The following MDN1 variants were observed in gnomAD, a reference collection of about 807,000 sequenced individuals.
The protein encoded by MDN1 is midasin.
MDN1 carries 266 observed loss-of-function variants against 669.2 expected under a neutral mutation model. That is an observed-to-expected ratio of 0.40 (90% CI 0.36 to 0.44). The LOEUF is 0.44. Among genes scored for constraint, MDN1 ranks in the 20% least tolerant of loss-of-function variants. MDN1 has a pLI of 1.00. For synonymous variants in MDN1, 2,385 were observed against 2,457.1 expected, an observed-to-expected ratio of 0.97 and a Z score of 0.87; for missense variants, 5,940 against 6,754.0, an observed-to-expected ratio of 0.88 and a Z score of 4.22.
intron 84 of MDN1, 36 bp from the exon 85 acceptor site, chr6:89,664,664 C>CA: frequency 6.5e-7 from 1 of 1,542,766 alleles, no homozygotes; most frequent in Non-Finnish European, 8.9e-7. Context: ...ATAAATGAAA[C>CA]TTTACCAATG....
chr6:89,685,731 C>A, intron 70 of MDN1, 96 bp downstream of exon 70: 1 of 1,314,914 alleles, frequency 7.6e-7, no homozygotes, highest in Non-Finnish European at 1.0e-6. Flanking sequence ...TGTTTAAAAC[C>A]TAGCGTGCAA....
Position 89,659,041 on chromosome 6 carries a change from G to A in MDN1, c.14714-124C>T, listed in dbSNP as rs113092973. ...TCTCTAAACCAGCGAGTGGCAAATT[G>A]TGACCCACAGGCCAAATCTGGCCTC... On this transcript the variant is annotated intron_variant, in intron 88 of 101. Transcript: ENST00000369393. 76 of 961,124 alleles carry A rather than the reference G, an allele frequency of 7.9e-5. 2 individuals are homozygous for A. The African/African-American group carries it at 9.7e-4, about 12-fold the overall frequency. The allele number at this position is 961,124 out of a possible 1,614,324, so 59.5% of individuals were successfully genotyped here.
chr6:89,814,108 C>T (rs574108421), intron 1 of MDN1, among the ~76,000 whole-genome samples: 2 of 151,810 alleles, frequency 1.3e-5, no homozygotes, highest in East Asian at 1.9e-4. Flanking sequence ...AATTCTAAGC[C>T]CCCCCAACCA....
At chr6:89,708,942 A>C (rs1241599238) in intron 50 of MDN1, among the ~76,000 whole-genome samples, 3 of 151,450 alleles carry the variant, frequency 2.0e-5, no homozygotes, top group African/African-American at 7.3e-5. Flanking sequence ...AGATCACACT[A>C]ATCCATGGGC....
At chr6:89,688,935 C>A (rs1812202120) in intron 65 of MDN1, 127 bp from the exon 66 acceptor site, 1 of 742,528 alleles carries the variant, frequency 1.3e-6, no homozygotes, top group African/African-American at 1.8e-5. Context: ...TTTGGGGAGC[C>A]GAGGCAGGCA....
chr6:89,667,183 CT>C (rs901530164), intron 84 of MDN1, among the ~76,000 whole-genome samples: 1 of 150,112 alleles, frequency 6.7e-6, no homozygotes, highest in Non-Finnish European at 1.5e-5. Flanking sequence ...TTGCTTTTGA[CT>C]TTTTTTTTCT....
intron 60 of MDN1, 120 bp from the exon 61 acceptor site, chr6:89,696,112 T>G (rs1812720001): frequency 1.5e-6 from 2 of 1,351,564 alleles, no homozygotes; most frequent in Non-Finnish European, 2.0e-6. Flanking sequence ...TATGTAGAGG[T>G]GAATTTCTGT....
intron 20 of MDN1, among the ~76,000 whole-genome samples, chr6:89,755,019 A>G (rs1817168511): frequency 6.6e-6 from 1 of 152,154 alleles, no homozygotes; most frequent in Admixed American, 6.5e-5. Flanking sequence ...AATATATACT[A>G]CTTGTACTAT....
chr6:89,791,344 T>G lies in MDN1; in HGVS notation c.856-943A>C, dbSNP rs374403994. Reference sequence around the variant, plus strand: ...GGGAAATATGGACACTGAGAGGATATCTTATGTTGTAATTTTTTTTTAGGT... The same window carrying G: ...GGGAAATATGGACACTGAGAGGATAGCTTATGTTGTAATTTTTTTTTAGGT... On this transcript the variant is annotated intron_variant, in intron 5 of 101. Transcript: ENST00000369393. 6.6e-5 allele frequency among the ~76,000 whole-genome samples: 10 copies of G among 152,298 alleles called. No individual in the cohort carries two copies. The East Asian group carries it at 1.2e-3, about 18-fold the overall frequency.
chr6:89,725,182 G>A lies in MDN1; in HGVS notation c.5670+17C>T. The A allele has an allele frequency of 4.3e-6, 7 of 1,612,412 alleles. No homozygotes were observed. The highest frequency in any genetic ancestry group is 5.9e-6 in the Non-Finnish European group (7 of 1,178,648). ...TCCGAGTCTATCTTTGGTCTCTATG[G>A]CAACAGCAAATCTTACCTGAGTGAA... is the stretch of plus-strand genomic sequence containing the variant. On this transcript the variant is annotated intron_variant, in intron 38 of 101. Transcript: ENST00000369393.
chr6:89,726,360 G>C (rs1049529538), intron 37 of MDN1, among the ~76,000 whole-genome samples: 13 of 151,540 alleles, frequency 8.6e-5, no homozygotes, highest in Admixed American at 3.9e-4. Context: ...AGGTGGCTGA[G>C]GCAGGAGATT....
At chr6:89,704,032 AAT>A (rs1337816328) in intron 53 of MDN1, among the ~76,000 whole-genome samples, 2 of 151,498 alleles carry the variant, frequency 1.3e-5, no homozygotes, top group African/African-American at 4.8e-5. Context: ...AAAAAAAAAA[AAT>A]TGAGGATATA....
chr6:89,745,548 T>A lies in MDN1; in HGVS notation c.3983A>T (p.Lys1328Met), dbSNP rs1285359112. Residue 1328 changes from lysine (K) to methionine (M), a missense_variant, in exon 28 of 102, where the codon AAG becomes ATG. Lys to Met is a moderately conservative substitution (Grantham distance 95). Around this residue, in one of 5 missense-constraint regions of MDN1, gnomAD observed 2,292 missense variants for 2,638.3 expected, o/e 0.87. Coordinates refer to ENST00000369393, the MANE Select transcript of MDN1 (RefSeq NM_014611.3). ...AAGAGATTGAGGACACAATTTTTTC[T>A]TGAAATGTTTCTCAAGGACTTCTTG... is the stretch of plus-strand genomic sequence containing the variant. Reference protein sequence around the residue: ...VIQEVLEKHFKKKLCPQSLFS... With the variant: ...VIQEVLEKHFMKKLCPQSLFS... 6.2e-7 allele frequency: 1 copy of A among 1,614,118 alleles called. No homozygotes were observed. The highest frequency in any genetic ancestry group is 2.2e-5 in the East Asian group (1 of 44,904).
At chr6:89,802,520 T>G (rs934608901) in intron 2 of MDN1, among the ~76,000 whole-genome samples, 1 of 152,074 alleles carries the variant, frequency 6.6e-6, no homozygotes, top group African/African-American at 2.4e-5. Context: ...CCGTCTCTAC[T>G]AAAAATACAA....
At chr6:89,690,342 G>T (rs950073019) in intron 64 of MDN1, among the ~76,000 whole-genome samples, 199 bp from the exon 65 acceptor site, 5 of 152,210 alleles carry the variant, frequency 3.3e-5, no homozygotes, top group African/African-American at 1.2e-4. Flanking sequence ...GGAGGCCGAG[G>T]AGGGAGGATC....
intron 27 of MDN1, among the ~76,000 whole-genome samples, chr6:89,746,643 GAAAGAAAA>G (rs1335076594): frequency 3.9e-5 from 5 of 127,912 alleles, no homozygotes; most frequent in African/African-American, 8.5e-5. Flanking sequence ...AAGAAAGAAA[GAAAGAAAA>G]AAAGTTTTTA....
intron 81 of MDN1, 70 bp from the exon 82 acceptor site, chr6:89,672,433 A>G (rs966287506): frequency 6.3e-7 from 1 of 1,595,740 alleles, no homozygotes; most frequent in Non-Finnish European, 8.5e-7. Context: ...ATCTCTATCC[A>G]TGCAGTTATC....
chr6:89,799,391 A>G (rs1767485202), intron 2 of MDN1, among the ~76,000 whole-genome samples: 1 of 152,284 alleles, frequency 6.6e-6, no homozygotes, highest in Non-Finnish European at 1.5e-5. Flanking sequence ...ACACTTAGAA[A>G]TAGTAAAGTT....
In MDN1 at chr6:89,683,261, C is replaced by T. The variant is rs904803645; in HGVS notation, c.11973G>A (p.Glu3991=). The change falls in exon 73 of 102, where the codon GAG becomes GAA. Residue 3991 remains glutamate (E), a synonymous_variant. Coordinates refer to ENST00000369393, the MANE Select transcript of MDN1 (RefSeq NM_014611.3). ...AGTCAGGCTGTTCTTCCTTGTCACT[C>T]TCCACCAGGGATGACCGGCAGGGTT... ...LSEPCRSSLV[E]SDKEEQPDFL... 2.5e-6 allele frequency: 4 copies of T among 1,614,186 alleles called. No homozygotes were observed. Among genetic ancestry groups the T allele is most frequent in the East Asian group, 2.2e-5 (1 of 44,874 alleles).
Sources: gnomAD v4.1 joint callset for allele counts (sites outside exome capture counted in the v4.1 genomes callset) on GRCh38, gnomAD v4.1.1 for gene constraint, gnomAD v4.1.1 regional missense constraint, MANE v1.5 for transcripts, NCBI Gene and HGNC (gene_info 2026-07-23, HGNC 2026-07-21) for gene names.